Variants in HIVEP3 observed in about 807,000 individuals in gnomAD.
The protein encoded by HIVEP3 is transcription factor HIVEP3.
In HIVEP3, 49 loss-of-function variants were observed where a neutral mutation model predicts 152.8. The ratio of observed to expected loss-of-function variants is 0.32; its 90% CI spans 0.26 to 0.41. HIVEP3 has a LOEUF of 0.41. Among genes scored for constraint, HIVEP3 ranks in the 10% least tolerant of loss-of-function variants. The pLI, the probability that HIVEP3 is intolerant of heterozygous loss-of-function variation, is 1.00. For synonymous variants in HIVEP3, 1,269 were observed against 1,289.0 expected (o/e 0.98, Z 0.33); for missense variants, 2,790 against 3,103.3 (o/e 0.90, Z 2.40).
chr1:42,004,942 A>G (rs1429223305), intron 1 of HIVEP3, among the ~76,000 whole-genome samples: 1 of 152,200 alleles, frequency 6.6e-6, no homozygotes, highest in African/African-American at 2.4e-5. Context: ...TGCTGTAAAT[A>G]TGTCTGTCGC....
chr1:41,947,251 G>A (rs542258269), intron 1 of HIVEP3, among the ~76,000 whole-genome samples: 7 of 152,286 alleles, frequency 4.6e-5, no homozygotes, highest in Middle Eastern at 3.4e-3. Context: ...TTAGCCACCC[G>A]TTCAGAAACC....
chr1:41,562,628 TCTC>T (rs1644092668), intron 5 of HIVEP3, among the ~76,000 whole-genome samples: 8 of 123,224 alleles, frequency 6.5e-5, no homozygotes, highest in African/African-American at 2.8e-4. Context: ...TCTCTCTCTC[TCTC>T]TCCCTCTCTC....
At chr1:41,845,737 A>C (rs1643425949) in intron 1 of HIVEP3, among the ~76,000 whole-genome samples, 1 of 152,186 alleles carries the variant, frequency 6.6e-6, no homozygotes, top group Non-Finnish European at 1.5e-5. Flanking sequence ...TTTGAACTAT[A>C]TGAATGTAAT....
At chr1:41,588,496 G>A (rs1263406411) in intron 3 of HIVEP3, among the ~76,000 whole-genome samples, 1 of 152,160 alleles carries the variant, frequency 6.6e-6, no homozygotes, top group East Asian at 1.9e-4. Context: ...CCAGCAGCTG[G>A]GGTTTGGTGC....
chr1:41,684,694 T>C (rs1319875778), intron 2 of HIVEP3, among the ~76,000 whole-genome samples: 2 of 152,258 alleles, frequency 1.3e-5, no homozygotes, highest in Non-Finnish European at 2.9e-5. Flanking sequence ...CAGTATCTAC[T>C]TTGTAGGTTG....
At chr1:41,982,201 A>C (rs964783631) in intron 1 of HIVEP3, among the ~76,000 whole-genome samples, 1 of 152,242 alleles carries the variant, frequency 6.6e-6, no homozygotes, top group Non-Finnish European at 1.5e-5. Flanking sequence ...TCCACGTCAA[A>C]GGGGCTGGAA....
At chr1:41,914,407 A>C (rs1644840258) in intron 1 of HIVEP3, among the ~76,000 whole-genome samples, 1 of 152,238 alleles carries the variant, frequency 6.6e-6, no homozygotes, top group Non-Finnish European at 1.5e-5. Flanking sequence ...GAATTTTTTC[A>C]AGTAAGTTAC....
At chr1:41,560,512 GAC>G in intron 5 of HIVEP3, among the ~76,000 whole-genome samples, 1 of 152,296 alleles carries the variant, frequency 6.6e-6, no homozygotes, top group Non-Finnish European at 1.5e-5. Flanking sequence ...AGCAGGGAAA[GAC>G]ACTCAGCCAC....
At chr1:41,905,158 G>A (rs1644690556) in intron 1 of HIVEP3, among the ~76,000 whole-genome samples, 1 of 152,178 alleles carries the variant, frequency 6.6e-6, no homozygotes, top group South Asian at 2.1e-4. Context: ...ACAACTGAGA[G>A]AAGGAACAAA....
chr1:41,891,331 A>G (rs1644442887), intron 1 of HIVEP3, among the ~76,000 whole-genome samples: 1 of 152,232 alleles, frequency 6.6e-6, no homozygotes. Context: ...TTCTACTCAC[A>G]TAAGACAGTT....
chr1:41,949,095 C>T (rs1389492702), intron 1 of HIVEP3, among the ~76,000 whole-genome samples: 1 of 152,154 alleles, frequency 6.6e-6, no homozygotes, highest in African/African-American at 2.4e-5. Context: ...CACAAATAGT[C>T]TGTCTACCCA....
intron 1 of HIVEP3, among the ~76,000 whole-genome samples, chr1:42,019,871 A>G (rs1410751208): frequency 6.6e-6 from 1 of 152,104 alleles, no homozygotes. Context: ...TCATTATCAG[A>G]TTAACAAATT....
rs920658713 is a variant in HIVEP3 at position 41,636,127 on chromosome 1, G to A, written c.-720-7180C>T. Among the ~76,000 whole-genome samples, 7 of 152,326 alleles carry A rather than the reference G, an allele frequency of 4.6e-5. No homozygotes were observed. The East Asian group carries it at 1.3e-3, about 29-fold the overall frequency. On this transcript the variant is annotated intron_variant, in intron 2 of 8. Transcript: ENST00000372583. ...AGTGAACAAAACAGAAAAGGTCTAT[G>A]CCCTTATGGAGCTGAGAGTCTGGTG...
chr1:41,511,511 A>G lies in HIVEP3; in HGVS notation c.6406-245T>C, dbSNP rs1221112027. On this transcript the variant is annotated intron_variant, in intron 8 of 8. Coordinates refer to ENST00000372583, the MANE Select transcript of HIVEP3 (RefSeq NM_024503.5). This position sits in a 1 kb window ranked among gnomAD's most constrained non-coding sequence, Gnocchi z 4.9. ...AGTATGCTCAGGCCCCATGGTCTCC[A>G]TGCCTCTAGCCAGCATATCTGTCTT... is the stretch of plus-strand genomic sequence containing the variant. 6.6e-6 allele frequency among the ~76,000 whole-genome samples: 1 copy of G among 152,136 alleles called. No individual in the cohort carries two copies. The highest frequency in any genetic ancestry group is 1.5e-5 in the Non-Finnish European group (1 of 68,036).
intron 1 of HIVEP3, among the ~76,000 whole-genome samples, chr1:41,881,716 G>A (rs1644264567): frequency 6.6e-6 from 1 of 152,210 alleles, no homozygotes; most frequent in Admixed American, 6.5e-5. Context: ...ACAGCATTGA[G>A]AAGGACCATA....
Position 41,582,203 on chromosome 1 carries a change from G to T in HIVEP3, c.2595C>A (p.Asp865Glu), listed in dbSNP as rs778633347. The change falls in exon 4 of 9, where the codon GAC becomes GAA. Residue 865 changes from aspartate to glutamate, a missense_variant. Physicochemically the swap from Asp to Glu is conservative, Grantham distance 45. Coordinates refer to ENST00000372583, the MANE Select transcript of HIVEP3 (RefSeq NM_024503.5). The surrounding 1 kb of genome is among the most constrained non-coding windows in gnomAD (Gnocchi z 4.7). ...GCGGCTCTGGCTCTGTGTCCGGCCGGTCAGGCTCCTCAGTTACTAGGATCT... is the reference window on the plus strand; with the variant it reads ...GCGGCTCTGGCTCTGTGTCCGGCCGTTCAGGCTCCTCAGTTACTAGGATCT... ...VPEILVTEEP[D>E]RPDTEPEPPP... 1.7e-5 allele frequency: 27 copies of T among 1,613,936 alleles called. No individual in the cohort carries two copies. The highest frequency in any genetic ancestry group is 1.6e-4 in the Middle Eastern group (1 of 6,084).
intron 2 of HIVEP3, among the ~76,000 whole-genome samples, chr1:41,696,294 T>A (rs1387381835): frequency 6.6e-6 from 1 of 152,202 alleles, no homozygotes; most frequent in African/African-American, 2.4e-5. Context: ...TCCCGTGTGT[T>A]TGGTGGGCCA....
intron 1 of HIVEP3, among the ~76,000 whole-genome samples, chr1:41,857,983 ATCTC>A (rs56967197): frequency 2.0e-5 from 3 of 148,480 alleles, no homozygotes; most frequent in Admixed American, 6.7e-5. Flanking sequence ...CAATCAATCA[ATCTC>A]TCTCTCTCTC....
chr1:41,717,736 G>C (rs1199771320), intron 1 of HIVEP3, among the ~76,000 whole-genome samples: 2 of 152,228 alleles, frequency 1.3e-5, no homozygotes, highest in Non-Finnish European at 2.9e-5. Flanking sequence ...AGCAGGACCA[G>C]AGGCAAGTTT....
Sources: gnomAD v4.1 joint callset for allele counts (sites outside exome capture counted in the v4.1 genomes callset) on GRCh38, gnomAD v4.1.1 for gene constraint, Gnocchi (gnomAD v3.1) non-coding constraint, MANE v1.5 for transcripts, NCBI Gene and HGNC (gene_info 2026-07-23, HGNC 2026-07-21) for gene names.